The following RGSL1 variants were observed in gnomAD, a reference collection of about 807,000 sequenced individuals.
The protein encoded by RGSL1 is regulator of G protein signaling like 1, also known as regulator of G protein signaling protein-like.
RGSL1 carries 97 observed loss-of-function variants against 124.7 expected under a neutral mutation model. That is an observed-to-expected ratio of 0.78 (90% CI 0.66 to 0.92). The LOEUF (loss-of-function observed/expected upper bound fraction) is 0.92. Ranked by LOEUF, RGSL1 falls within the 40% of genes least tolerant of loss-of-function variation. The pLI, the probability that RGSL1 is intolerant of heterozygous loss-of-function variation, is 0.00. For synonymous variants in RGSL1, 424 were observed against 438.1 expected, an observed-to-expected ratio of 0.97 and a Z score of 0.40; for missense variants, 1,233 against 1,288.4, an observed-to-expected ratio of 0.96 and a Z score of 0.66.
At chr1:182,557,706 C>A (rs1347690540) in intron 21 of RGSL1, among the ~76,000 whole-genome samples, 1 of 152,162 alleles carries the variant, frequency 6.6e-6, no homozygotes, top group Non-Finnish European at 1.5e-5. Context: ...TATGCAAACA[C>A]ACAAACATGT....
At chr1:182,469,934 T>A (rs1417715787) in intron 4 of RGSL1, among the ~76,000 whole-genome samples, 2 of 152,150 alleles carry the variant, frequency 1.3e-5, no homozygotes, top group African/African-American at 4.8e-5. Context: ...TGATTTCACT[T>A]ATATGAGGTA....
At chr1:182,520,039 T>C (rs2102231266) in intron 9 of RGSL1, among the ~76,000 whole-genome samples, 1 of 152,324 alleles carries the variant, frequency 6.6e-6, no homozygotes, top group East Asian at 1.9e-4. Context: ...TTTCCCCCCT[T>C]GGTTTTTGGT....
chr1:182,518,057 T>G (rs1180910684), intron 9 of RGSL1, among the ~76,000 whole-genome samples: 1 of 50,664 alleles, frequency 2.0e-5, no homozygotes, highest in Non-Finnish European at 4.5e-5. Context: ...TTGTTTGTTT[T>G]GAGACAGAGT....
chr1:182,532,186 GTA>G (rs747893226), intron 13 of RGSL1, among the ~76,000 whole-genome samples: 3 of 151,900 alleles, frequency 2.0e-5, no homozygotes, highest in Non-Finnish European at 2.9e-5. Context: ...ATTCGTGTGT[GTA>G]TGTGTGTGTG....
chr1:182,463,048 C>T (rs1271403164), intron 4 of RGSL1, among the ~76,000 whole-genome samples: 1 of 152,046 alleles, frequency 6.6e-6, no homozygotes, highest in Non-Finnish European at 1.5e-5. Flanking sequence ...AATCCCAGAA[C>T]TTTGGAAGGC....
chr1:182,483,419 A>G (rs1453471107), intron 6 of RGSL1, among the ~76,000 whole-genome samples: 1 of 152,190 alleles, frequency 6.6e-6, no homozygotes, highest in African/African-American at 2.4e-5. Flanking sequence ...TATGTCAATC[A>G]TACCTTAATA....
At chr1:182,542,634 A>G (rs4119589) in intron 15 of RGSL1, among the ~76,000 whole-genome samples, 78,760 of 151,858 alleles carry the variant, frequency 0.52, 20,687 homozygotes, top group Non-Finnish European at 0.55. Context: ...GATTGCACTG[A>G]ATCTATAAAT....
At chr1:182,452,986 T>C (rs1183441710) in intron 1 of RGSL1, among the ~76,000 whole-genome samples, 1 of 152,198 alleles carries the variant, frequency 6.6e-6, no homozygotes, top group Non-Finnish European at 1.5e-5. Context: ...GGGCCATTGA[T>C]AAAACAATTA....
chr1:182,449,372 A>G (rs2101967168), upstream of RGSL1: 1 of 152,230 alleles, frequency 6.6e-6, no homozygotes, highest in African/African-American at 2.4e-5. Flanking sequence ...TCCACCCCCC[A>G]TAGGAAAGCC....
At chr1:182,475,223 T>C (rs567291584) in intron 6 of RGSL1, among the ~76,000 whole-genome samples, 12 of 152,362 alleles carry the variant, frequency 7.9e-5, no homozygotes, top group African/African-American at 2.9e-4. Context: ...GGTCTCCCTT[T>C]ACTAGACTAG....
intron 9 of RGSL1, among the ~76,000 whole-genome samples, chr1:182,504,324 TC>T (rs1656642015): frequency 2.0e-5 from 3 of 152,036 alleles, no homozygotes; most frequent in Non-Finnish European, 2.9e-5. Context: ...GACATAATTC[TC>T]CCGGGTTTTT....
At chr1:182,453,688 GA>G (rs1652034743) in intron 1 of RGSL1, 2 of 333,592 alleles carry the variant, frequency 6.0e-6, no homozygotes, top group Non-Finnish European at 5.5e-6. Context: ...GTCACAGTAG[GA>G]AAAAAGAAAT....
Position 182,527,728 on chromosome 1 carries a change from T to C in RGSL1, c.2081T>C (p.Ile694Thr). ...ETNEKICKSL[I>T]ENVIKTFFQG... ...AATGAAAAGATTTGCAAGTCTCTCA[T>C]AGAAAATGTAATCAAGACTTTCTTC... The change falls in exon 11 of 22, where the codon ATA (isoleucine) becomes ACA (threonine). Residue 694 changes from isoleucine to threonine, a missense_variant. Physicochemically the swap from Ile to Thr is moderately conservative, Grantham distance 89. Transcript: ENST00000294854. 1 of 1,551,104 alleles carries C rather than the reference T, an allele frequency of 6.4e-7. No homozygotes were observed.
chr1:182,455,980 G>A (rs114682007), intron 2 of RGSL1, among the ~76,000 whole-genome samples: 1,525 of 152,294 alleles, frequency 0.01, 21 homozygotes, highest in African/African-American at 0.035. Context: ...AAGGGAAAGC[G>A]GTTAGGAGGT....
intron 14 of RGSL1, among the ~76,000 whole-genome samples, chr1:182,537,741 A>C (rs1434681345): frequency 1.3e-5 from 2 of 149,086 alleles, no homozygotes; most frequent in Non-Finnish European, 3.0e-5. Context: ...CTCTCGGTGG[A>C]AACAGGCACT....
rs1465442877 is a variant in RGSL1, at chr1:182,556,005, C to T, written c.3198-19C>T. 6.5e-7 allele frequency: 1 copy of T among 1,548,300 alleles called. No individual in the cohort carries two copies. The highest frequency in any genetic ancestry group is 2.4e-5 in the East Asian group (1 of 40,900). On this transcript the variant is annotated intron_variant, in intron 20 of 21. Coordinates refer to ENST00000294854, the MANE Select transcript of RGSL1 (RefSeq NM_001137669.2). ...ACTGCATCATAATTGTGATAACTGG[C>T]TGTTTTCTCTCCCTTCAGACAAAAA...
At chr1:182,536,227 T>A (rs953241597) in intron 14 of RGSL1, among the ~76,000 whole-genome samples, 7 of 152,208 alleles carry the variant, frequency 4.6e-5, no homozygotes, top group Admixed American at 3.9e-4. Flanking sequence ...TGATTTCACT[T>A]TGGGGCTGTT....
At chr1:182,466,263 T>C (rs1476339256) in intron 4 of RGSL1, among the ~76,000 whole-genome samples, 1 of 152,128 alleles carries the variant, frequency 6.6e-6, no homozygotes, top group East Asian at 1.9e-4. Context: ...GAATAGGAAA[T>C]GCCTGATTTC....
rs1425838868 is a variant in RGSL1, at chr1:182,530,898, A to G, written c.2352A>G (p.Leu784=). 3 of 1,548,426 alleles carry G rather than the reference A, an allele frequency of 1.9e-6. No individual in the cohort carries two copies. The highest frequency in any genetic ancestry group is 2.0e-5 in the Admixed American group (1 of 50,400). ...CCTCAAAGATAGTGTCAACTTACCTACAGGAATCCCAGGTTAGTGAAGAAG... is the reference window on the plus strand; with the variant it reads ...CCTCAAAGATAGTGTCAACTTACCTGCAGGAATCCCAGGTTAGTGAAGAAG... ...RKPSKIVSTY[L]QESQKKGWMR... is the part of the protein sequence containing the mutation. The change falls in exon 13 of 22, where the codon CTA becomes CTG. Residue 784 remains leucine (L), a synonymous_variant. Coordinates refer to ENST00000294854, the MANE Select transcript of RGSL1 (RefSeq NM_001137669.2).
Sources: gnomAD v4.1 joint callset for allele counts (sites outside exome capture counted in the v4.1 genomes callset) on GRCh38, gnomAD v4.1.1 for gene constraint, MANE v1.5 for transcripts, NCBI Gene and HGNC (gene_info 2026-07-23, HGNC 2026-07-21) for gene names.